Variants in GNA14 observed in about 807,000 individuals in gnomAD.
GNA14 encodes guanine nucleotide-binding protein subunit alpha-14.
Under a neutral mutation model 42.0 loss-of-function variants are expected in GNA14, and 50 were observed. That is an observed-to-expected ratio of 1.19 (90% CI 0.95 to 1.51). GNA14 has a LOEUF of 1.51. Among genes scored for constraint, GNA14 ranks in the 40% most tolerant of loss-of-function variants. The pLI is 0.00. For missense variants in GNA14, 473 were observed against 446.2 expected (o/e 1.06, Z -0.54); for synonymous variants, 173 against 163.1 (o/e 1.06, Z -0.46).
intron 2 of GNA14, among the ~76,000 whole-genome samples, chr9:77,483,420 G>C (rs571028048): frequency 6.6e-5 from 10 of 152,130 alleles, no homozygotes; most frequent in Non-Finnish European, 1.5e-4. Context: ...CTGCCTGATC[G>C]TTCCTCTGGA....
At chr9:77,582,804 G>A (rs1268379320) in intron 1 of GNA14, among the ~76,000 whole-genome samples, 3 of 152,138 alleles carry the variant, frequency 2.0e-5, no homozygotes, top group Non-Finnish European at 4.4e-5. Flanking sequence ...ACATAGGTCT[G>A]TATATCTGTA....
chr9:77,600,146 G>A (rs1823534054), intron 1 of GNA14, among the ~76,000 whole-genome samples: 1 of 152,242 alleles, frequency 6.6e-6, no homozygotes, highest in African/African-American at 2.4e-5. Context: ...TTGTTTGAGG[G>A]CCTTTTCACA....
At chr9:77,646,676 A>G (rs905949346) in intron 1 of GNA14, among the ~76,000 whole-genome samples, 1 of 152,244 alleles carries the variant, frequency 6.6e-6, no homozygotes, top group African/African-American at 2.4e-5. Context: ...GTGAAAGAAA[A>G]AAAGTTGAAA....
intron 3 of GNA14, among the ~76,000 whole-genome samples, chr9:77,434,110 G>T (rs1835602068): frequency 6.6e-6 from 1 of 152,176 alleles, no homozygotes; most frequent in Admixed American, 6.5e-5. Flanking sequence ...GTCTCTCATT[G>T]AAAACGACAG....
chr9:77,503,617 C>A lies in GNA14; in HGVS notation c.309+25452G>T, dbSNP rs73458071. ...ATGCTCTATGGAAATACAACTAATA[C>A]CTAAGTACACAAAGAAATTTACATC... On this transcript the variant is annotated intron_variant, in intron 2 of 6. Coordinates refer to ENST00000341700, the MANE Select transcript of GNA14 (RefSeq NM_004297.4). Among the ~76,000 whole-genome samples the A allele has an allele frequency of 6.2e-3, 937 of 151,894 alleles. 10 individuals carry two copies. The highest frequency in any genetic ancestry group is 0.021 in the African/African-American group (884 of 41,424).
chr9:77,502,775 T>TCTGAGTCTTTG (rs927382014), intron 2 of GNA14, among the ~76,000 whole-genome samples: 1 of 152,146 alleles, frequency 6.6e-6, no homozygotes, highest in South Asian at 2.1e-4. Flanking sequence ...TAGACTTCCC[T>TCTGAGTCTTTG]CTGAGTCTTT....
Position 77,435,924 on chromosome 9 carries a change from C to G in GNA14, c.310-1402G>C, listed in dbSNP as rs147744048. On this transcript the variant is annotated intron_variant, in intron 2 of 6. Coordinates refer to ENST00000341700, the MANE Select transcript of GNA14 (RefSeq NM_004297.4). ...ATATTTCTGCATCCCACAGCAGTTA[C>G]ATCACCAAGCAGGGCTGGCTACAGC... 6.6e-3 allele frequency among the ~76,000 whole-genome samples: 1,002 copies of G among 152,310 alleles called. 4 individuals are homozygous for G. Among genetic ancestry groups the G allele is most frequent in the South Asian group, 0.011 (51 of 4,818 alleles).
intron 1 of GNA14, among the ~76,000 whole-genome samples, chr9:77,565,616 C>T (rs990046026): frequency 3.3e-5 from 5 of 152,132 alleles, no homozygotes; most frequent in African/African-American, 4.8e-5. Flanking sequence ...CGCCGCCATG[C>T]CTGCCTAATT....
intron 2 of GNA14, among the ~76,000 whole-genome samples, chr9:77,515,048 T>G (rs1252011680): frequency 1.3e-5 from 2 of 151,814 alleles, no homozygotes; most frequent in African/African-American, 4.8e-5. Context: ...CACAATCCAA[T>G]AGGGAGAGGA....
chr9:77,464,618 G>A (rs1836188074), intron 2 of GNA14, among the ~76,000 whole-genome samples: 1 of 151,862 alleles, frequency 6.6e-6, no homozygotes, highest in Non-Finnish European at 1.5e-5. Flanking sequence ...ATGGTTTTTA[G>A]AATATCCAAC....
At chr9:77,615,896 A>T (rs550523475) in intron 1 of GNA14, among the ~76,000 whole-genome samples, 5 of 151,736 alleles carry the variant, frequency 3.3e-5, no homozygotes, top group African/African-American at 1.2e-4. Context: ...CCCAAAGTAG[A>T]TAACATAGAG....
chr9:77,529,194 C>T lies in GNA14; in HGVS notation c.184G>A (p.Gly62Ser), dbSNP rs986513171. 6.2e-7 allele frequency: 1 copy of T among 1,614,002 alleles called. No individual in the cohort carries two copies. Residue 62 changes from glycine to serine, a missense_variant, in exon 2 of 7, where the codon GGT becomes AGT. Physicochemically the swap from Gly to Ser is moderately conservative, Grantham distance 56. Transcript: ENST00000341700. The stretch of plus-strand genomic sequence containing the variant: ...CCCTTTCTGTCTTCGTCGCTGTAAC[C>T]AGACCCATGGATAATTCTCATCTGC... Reference protein sequence around the residue: ...IKQMRIIHGSGYSDEDRKGFT... With the variant: ...IKQMRIIHGSSYSDEDRKGFT...
At chr9:77,610,222 T>C (rs1823708484) in intron 1 of GNA14, among the ~76,000 whole-genome samples, 1 of 152,192 alleles carries the variant, frequency 6.6e-6, no homozygotes, top group Admixed American at 6.6e-5. Flanking sequence ...TAAAATTACC[T>C]ACATCCCCCA....
At chr9:77,504,660 C>CAT (rs1837036149) in intron 2 of GNA14, among the ~76,000 whole-genome samples, 1 of 76,202 alleles carries the variant, frequency 1.3e-5, no homozygotes, top group Non-Finnish European at 2.4e-5. Flanking sequence ...GTCTGGCCGA[C>CAT]TTTTTTTTTT....
intron 2 of GNA14, among the ~76,000 whole-genome samples, chr9:77,489,269 T>C (rs1254245293): frequency 6.6e-6 from 1 of 152,100 alleles, no homozygotes; most frequent in Non-Finnish European, 1.5e-5. Context: ...AAAGGTCACC[T>C]ACAAGATACA....
intron 1 of GNA14, among the ~76,000 whole-genome samples, chr9:77,543,196 TC>T (rs1837680045): frequency 6.6e-6 from 1 of 152,222 alleles, no homozygotes; most frequent in African/African-American, 2.4e-5. Flanking sequence ...CAGGACATAG[TC>T]CTTTGAGGAT....
intron 1 of GNA14, among the ~76,000 whole-genome samples, chr9:77,544,218 G>T (rs1837693168): frequency 6.6e-6 from 1 of 152,126 alleles, no homozygotes; most frequent in South Asian, 2.1e-4. Context: ...ACAAAATACA[G>T]AGAATCTTAA....
intron 1 of GNA14, among the ~76,000 whole-genome samples, chr9:77,641,398 C>T (rs1257130524): frequency 1.3e-5 from 2 of 151,654 alleles, no homozygotes; most frequent in African/African-American, 2.4e-5. Flanking sequence ...AATATCTTAA[C>T]CAGGCCATCA....
chr9:77,577,711 T>C (rs747824657), intron 1 of GNA14, among the ~76,000 whole-genome samples: 5 of 152,204 alleles, frequency 3.3e-5, no homozygotes, highest in Non-Finnish European at 5.9e-5. Flanking sequence ...CCACTTTCAA[T>C]GAGGGCTCTG....
Sources: allele counts gnomAD v4.1 joint callset (sites outside exome capture counted in the v4.1 genomes callset), GRCh38; gene constraint gnomAD v4.1.1; transcripts MANE v1.5; gene names NCBI Gene and HGNC (gene_info 2026-07-23, HGNC 2026-07-21).